The following RAPGEF1 variants were observed in gnomAD, a reference collection of about 807,000 sequenced individuals.
RAPGEF1 encodes CRK SH3-binding GNRP.
A neutral mutation model predicts 143.3 loss-of-function variants in RAPGEF1; 33 were observed. The observed-to-expected ratio is 0.23, with a 90% confidence interval of 0.17 to 0.31. RAPGEF1 has a LOEUF of 0.31. RAPGEF1 is among the 10% of genes least tolerant of loss of function. The probability of loss-of-function intolerance (pLI) is 1.00; values close to 1 mark genes in which losing one functional copy is unlikely to be tolerated. For missense variants in RAPGEF1, 1,199 were observed against 1,645.4 expected, an observed-to-expected ratio of 0.73 and a Z score of 4.69; for synonymous variants, 629 against 676.5, an observed-to-expected ratio of 0.93 and a Z score of 1.09.
chr9:131,686,662 C>T (rs1395878368), intron 1 of RAPGEF1, among the ~76,000 whole-genome samples: 1 of 152,322 alleles, frequency 6.6e-6, no homozygotes, highest in Admixed American at 6.5e-5. Flanking sequence ...ATAGCATTCA[C>T]CTCTCTGTGT....
At chr9:131,663,685 C>T (rs1829965369) in intron 1 of RAPGEF1, among the ~76,000 whole-genome samples, 1 of 152,160 alleles carries the variant, frequency 6.6e-6, no homozygotes, top group Non-Finnish European at 1.5e-5. Context: ...TTGGTAAACA[C>T]AGTTCCTGGG....
Position 131,627,929 on chromosome 9 carries a change from T to G in RAPGEF1, c.1185A>C (p.Thr395=). 1 of 1,583,744 alleles carries G rather than the reference T, an allele frequency of 6.3e-7. No homozygotes were observed. The highest frequency in any genetic ancestry group is 8.6e-7 in the Non-Finnish European group (1 of 1,165,420). Residue 395 remains threonine, a synonymous_variant, in exon 9 of 27, where the codon ACA becomes ACC. Coordinates refer to ENST00000683357, the MANE Select transcript of RAPGEF1 (RefSeq NM_001377935.1). ...GCGGCTCACCTAGTGTTTCACAGCT[T>G]GTGTTCCGGGAGCACTGCCCACTGT... ...DRDSGQCSRN[T]SCETLDHYDP... is the part of the protein sequence containing the mutation.
At chr9:131,606,709 G>A (rs142458827) in intron 12 of RAPGEF1, among the ~76,000 whole-genome samples, 4 of 152,194 alleles carry the variant, frequency 2.6e-5, no homozygotes, top group Middle Eastern at 6.8e-3. Flanking sequence ...CTGCAGCCTC[G>A]ACCTCCTGGG....
chr9:131,621,857 C>G lies in RAPGEF1; in HGVS notation c.1844G>C (p.Gly615Ala). 6.2e-7 allele frequency: 1 copy of G among 1,612,072 alleles called. No individual in the cohort carries two copies. Residue 615 changes from glycine (G) to alanine (A), a missense_variant, in exon 11 of 27, where the codon GGG becomes GCG. Coordinates refer to ENST00000683357, the MANE Select transcript of RAPGEF1 (RefSeq NM_001377935.1). This position sits in a 1 kb window ranked among gnomAD's most constrained non-coding sequence, Gnocchi z 4.5. ...GGCCAGCTCCTGCACGGAGTCCACC[C>G]CACTGAAGGAGTCGCTGAAGCCGTA... ...EVYGFSDSFSGVDSVQELAPP... is the reference protein window; with the variant it reads ...EVYGFSDSFSAVDSVQELAPP...
chr9:131,597,587 G>A (rs541346801), intron 16 of RAPGEF1, among the ~76,000 whole-genome samples: 1 of 152,208 alleles, frequency 6.6e-6, no homozygotes, highest in African/African-American at 2.4e-5. Context: ...AGCACTGCAC[G>A]GCAGGAGGGA....
In RAPGEF1 at chr9:131,628,041, T is replaced by C. The variant is rs1253793243; in HGVS notation, c.1073A>G (p.Tyr358Cys). Residue 358 changes from tyrosine to cysteine, a missense_variant, in exon 9 of 27, where the codon TAT (tyrosine) becomes TGT (cysteine). By Grantham distance (194) the Tyr-to-Cys change is radical. This residue lies in a region of RAPGEF1 where 613 missense variants were observed against 710.9 expected (regional missense o/e 0.86). Transcript: ENST00000683357. This position sits in a 1 kb window ranked among gnomAD's most constrained non-coding sequence, Gnocchi z 5.7. ...QRRLSGGSHS[Y>C]GGESPRLSPC... ...GGAGAGGCGGGGCGACTCTCCACCA[T>C]ATGAGTGGCTGCCTCCTGACAGTCG... 4.5e-6 allele frequency: 7 copies of C among 1,566,216 alleles called. No homozygotes were observed. Among genetic ancestry groups the C allele is most frequent in the Admixed American group, 1.9e-5 (1 of 52,974 alleles).
chr9:131,621,545 C>T lies in RAPGEF1; in HGVS notation c.1905+251G>A, dbSNP rs991884281. 7.9e-5 allele frequency among the ~76,000 whole-genome samples: 12 copies of T among 152,174 alleles called. No individual in the cohort carries two copies. The highest frequency in any genetic ancestry group is 4.1e-4 in the South Asian group (2 of 4,824). ...TGAGTACAAGCCTGTCCCTGCTGCG[C>T]GGGGCTGCTGTGGAAAAGAAAGGTC... On this transcript the variant is annotated intron_variant, in intron 11 of 26. Coordinates refer to ENST00000683357, the MANE Select transcript of RAPGEF1 (RefSeq NM_001377935.1). The surrounding 1 kb of genome is among the most constrained non-coding windows in gnomAD (Gnocchi z 4.5).
At chr9:131,603,107 A>C (rs888238613) in intron 14 of RAPGEF1, among the ~76,000 whole-genome samples, 1 of 152,128 alleles carries the variant, frequency 6.6e-6, no homozygotes, top group Non-Finnish European at 1.5e-5. Flanking sequence ...ATAACCTGCT[A>C]ATGTCTGAAA....
Position 131,582,706 on chromosome 9 carries a change from G to GCAGGACAGGA in RAPGEF1, c.3415-14_3415-5dup, listed in dbSNP as rs758159197. ...GTGTGCAGTACTCGGCCAGGCCCTG[G>GCAGGACAGGA]CAGGACAGGACAGGACAGGACCGGA... On this transcript the variant is annotated splice_polypyrimidine_tract_variant and splice_region_variant and intron_variant, in intron 24 of 26. Transcript: ENST00000683357. 2.6e-6 allele frequency: 4 copies of GCAGGACAGGA among 1,560,804 alleles called. No homozygotes were observed. In the South Asian group the frequency reaches 4.8e-5, roughly 19 times the overall value.
intron 1 of RAPGEF1, among the ~76,000 whole-genome samples, chr9:131,739,559 G>A (rs866765306): frequency 4.8e-4 from 73 of 150,532 alleles, no homozygotes; most frequent in African/African-American, 1.6e-3. Context: ...CCGGCCCCTG[G>A]CGCCCCCGCA....
intron 5 of RAPGEF1, among the ~76,000 whole-genome samples, chr9:131,637,623 C>T (rs1005632970): frequency 6.6e-6 from 1 of 152,100 alleles, no homozygotes; most frequent in African/African-American, 2.4e-5. Context: ...GAGAGGGACA[C>T]AGGTTTTTCA....
chr9:131,739,545 C>T (rs1020461089), intron 1 of RAPGEF1, among the ~76,000 whole-genome samples: 1 of 151,042 alleles, frequency 6.6e-6, no homozygotes, highest in Non-Finnish European at 1.5e-5. Flanking sequence ...GGGCCCCGCC[C>T]GGCCCGGCCC....
chr9:131,667,824 G>A lies in RAPGEF1; in HGVS notation c.62-16875C>T, dbSNP rs1830673153. Among the ~76,000 whole-genome samples the A allele has an allele frequency of 6.6e-6, 1 of 152,174 alleles. No individual in the cohort carries two copies. Among genetic ancestry groups the A allele is most frequent in the African/African-American group, 2.4e-5 (1 of 41,448 alleles). ...TCCCTGGGGCTTGCTTTTCTCTGCTGTAAAATGGGAGTAGTGATCTTTACC... is the reference window on the plus strand; with the variant it reads ...TCCCTGGGGCTTGCTTTTCTCTGCTATAAAATGGGAGTAGTGATCTTTACC... On this transcript the variant is annotated intron_variant, in intron 1 of 26. Coordinates refer to ENST00000683357, the MANE Select transcript of RAPGEF1 (RefSeq NM_001377935.1). This position sits in a 1 kb window ranked among gnomAD's most constrained non-coding sequence, Gnocchi z 4.6.
intron 1 of RAPGEF1, among the ~76,000 whole-genome samples, chr9:131,732,295 T>C (rs1164412321): frequency 1.3e-5 from 2 of 151,686 alleles, no homozygotes; most frequent in African/African-American, 2.4e-5. Context: ...GTGCTCATTA[T>C]GGGTGTCAGG....
chr9:131,683,600 T>C (rs1037028693), intron 1 of RAPGEF1, among the ~76,000 whole-genome samples: 2 of 152,256 alleles, frequency 1.3e-5, no homozygotes, highest in African/African-American at 4.8e-5. Context: ...ACGGTTTGCA[T>C]TTACAATTCC....
At chr9:131,694,847 T>G (rs1400019187) in intron 1 of RAPGEF1, among the ~76,000 whole-genome samples, 1 of 151,010 alleles carries the variant, frequency 6.6e-6, no homozygotes, top group Non-Finnish European at 1.5e-5. Flanking sequence ...GTGCACAACG[T>G]GCAGGTTAGT....
intron 1 of RAPGEF1, among the ~76,000 whole-genome samples, chr9:131,697,242 G>GACTCCA (rs140754500): frequency 0.017 from 2,616 of 152,214 alleles, 50 homozygotes; most frequent in South Asian, 0.1. Context: ...CCAACCCAGG[G>GACTCCA]ACTCCAAGAA....
intron 1 of RAPGEF1, among the ~76,000 whole-genome samples, chr9:131,722,902 A>T (rs1276948623): frequency 2.0e-5 from 3 of 150,376 alleles, no homozygotes; most frequent in Non-Finnish European, 3.0e-5. Flanking sequence ...AACAAAAACA[A>T]CGGGGCGGGG....
At position 131,586,525 on chromosome 9, in the gene RAPGEF1, AACAC is replaced by A. The variant is rs57523580; in HGVS notation, c.3233+1207_3233+1210del. Among the ~76,000 whole-genome samples, 46 of 5,898 alleles carry A rather than the reference AACAC, an allele frequency of 7.8e-3. 2 individuals carry two copies. Among genetic ancestry groups the A allele is most frequent in the Non-Finnish European group, 0.011 (44 of 3,926 alleles). 3.9% of individuals were successfully genotyped at this position (5,898 alleles called of 152,430 possible). A position where few individuals can be genotyped will look rare whatever the true frequency, so the allele number is the denominator to read the frequency against. ...ACACCTGCAGAGCGAGACTCCGTCA[AACAC>A]ACACACACACACACACCTGCAGAGC... On this transcript the variant is annotated intron_variant, in intron 22 of 26. Coordinates refer to ENST00000683357, the MANE Select transcript of RAPGEF1 (RefSeq NM_001377935.1).
Sources: gnomAD v4.1 joint callset for allele counts (sites outside exome capture counted in the v4.1 genomes callset) on GRCh38, gnomAD v4.1.1 for gene constraint, gnomAD v4.1.1 regional missense constraint, Gnocchi (gnomAD v3.1) non-coding constraint, MANE v1.5 for transcripts, NCBI Gene and HGNC (gene_info 2026-07-23, HGNC 2026-07-21) for gene names.